The following SLC8A2 variants were observed in gnomAD, a reference collection of about 807,000 sequenced individuals.
SLC8A2 encodes the protein sodium/calcium exchanger 2.
SLC8A2 carries 14 observed loss-of-function variants against 70.2 expected under a neutral mutation model. The ratio of observed to expected loss-of-function variants is 0.20; its 90% CI spans 0.13 to 0.31. SLC8A2 has a LOEUF of 0.31. Among genes scored for constraint, SLC8A2 ranks in the 10% least tolerant of loss-of-function variants. The probability of loss-of-function intolerance (pLI) is 1.00; values close to 1 mark genes in which losing one functional copy is unlikely to be tolerated. For synonymous variants in SLC8A2, 575 were observed against 594.3 expected, an observed-to-expected ratio of 0.97 and a Z score of 0.47; for missense variants, 779 against 1,320.1, an observed-to-expected ratio of 0.59 and a Z score of 6.35.
rs1967184307 is a variant in SLC8A2 at position 47,447,743 on chromosome 19, G to A, written c.1763+66C>T. 2 of 1,455,848 alleles carry A rather than the reference G, an allele frequency of 1.4e-6. No individual in the cohort carries two copies. The highest frequency in any genetic ancestry group is 1.8e-6 in the Non-Finnish European group (2 of 1,104,438). The allele number at this position is 1,455,848 out of a possible 1,614,324, so 90.2% of individuals were successfully genotyped here. A position where few individuals can be genotyped will look rare whatever the true frequency, so the allele number is the denominator to read the frequency against. On this transcript the variant is annotated intron_variant, in intron 4 of 9. Transcript: ENST00000236877. This position sits in a 1 kb window ranked among gnomAD's most constrained non-coding sequence, Gnocchi z 5.1. Reference sequence around the variant, plus strand: ...CATGGCTCACCCAGGCCCCGCCCCTGAGCCACATCAGGCCTCGCCCATTCC... The same window carrying A: ...CATGGCTCACCCAGGCCCCGCCCCTAAGCCACATCAGGCCTCGCCCATTCC...
At chr19:47,445,328 C>T (rs1358167005) in intron 4 of SLC8A2, among the ~76,000 whole-genome samples, 3 of 152,262 alleles carry the variant, frequency 2.0e-5, no homozygotes, top group East Asian at 1.9e-4. Context: ...AGGCTGGTCT[C>T]GAACTCCTGA....
intron 1 of SLC8A2, among the ~76,000 whole-genome samples, chr19:47,470,937 C>A (rs942672983): frequency 4.6e-5 from 7 of 151,816 alleles, no homozygotes; most frequent in Non-Finnish European, 1.0e-4. Flanking sequence ...TAGAGGACTC[C>A]AGGCCTGGGG....
At chr19:47,440,677 C>T (rs1325830081) in intron 6 of SLC8A2, among the ~76,000 whole-genome samples, 1 of 151,172 alleles carries the variant, frequency 6.6e-6, no homozygotes, top group Admixed American at 6.6e-5. Flanking sequence ...CCGCAACCTC[C>T]ACCTCCCGGG....
In SLC8A2 at chr19:47,465,685, C is replaced by T. The variant is rs777820663; in HGVS notation, c.675+44G>A. 8.7e-6 allele frequency: 13 copies of T among 1,495,038 alleles called. No homozygotes were observed. Among genetic ancestry groups the T allele is most frequent in the Non-Finnish European group, 1.2e-5 (13 of 1,102,584 alleles). The allele number at this position is 1,495,038 out of a possible 1,614,324, so 92.6% of individuals were successfully genotyped here. ...GCCAAGAGCACCTCTCTGGATTTTG[C>T]AGACACACATGCACCAAGAAAGCAT... is the stretch of plus-strand genomic sequence containing the variant. On this transcript the variant is annotated intron_variant, in intron 2 of 9. Coordinates refer to ENST00000236877, the MANE Select transcript of SLC8A2 (RefSeq NM_015063.3). The surrounding 1 kb of genome is among the most constrained non-coding windows in gnomAD (Gnocchi z 5.5).
chr19:47,452,643 T>G (rs562921330), intron 3 of SLC8A2, among the ~76,000 whole-genome samples: 69 of 152,096 alleles, frequency 4.5e-4, no homozygotes, highest in Non-Finnish European at 9.0e-4. Flanking sequence ...GAAGGCTAGA[T>G]TCACAGGACT....
chr19:47,436,179 AC>A (rs1176546811), intron 8 of SLC8A2, among the ~76,000 whole-genome samples: 4 of 151,792 alleles, frequency 2.6e-5, no homozygotes, highest in Non-Finnish European at 4.4e-5. Flanking sequence ...TGACATCTTT[AC>A]CCATTTGAAG....
Position 47,466,081 on chromosome 19 carries a change from G to A in SLC8A2, c.323C>T (p.Thr108Ile), listed in dbSNP as rs968956716. ...GGTCTCACCGTTGGCCTTGGTGATG[G>A]TGATCTCCTTCTCTTTTGACGTGAT... The part of the protein sequence containing the change: ...EVITSKEKEI[T>I]ITKANGETSV... The change falls in exon 2 of 10, where the codon ACC (threonine) becomes ATC (isoleucine). Residue 108 changes from threonine to isoleucine, a missense_variant. Thr to Ile is a moderately conservative substitution (Grantham distance 89). Transcript: ENST00000236877. This position sits in a 1 kb window ranked among gnomAD's most constrained non-coding sequence, Gnocchi z 6.9. 1 of 1,614,210 alleles carries A rather than the reference G, an allele frequency of 6.2e-7. No homozygotes were observed.
intron 8 of SLC8A2, among the ~76,000 whole-genome samples, chr19:47,437,151 C>T (rs1371434912): frequency 6.6e-6 from 1 of 152,142 alleles, no homozygotes; most frequent in Admixed American, 6.5e-5. Context: ...CATGTCTTCT[C>T]CATGTCTCTC....
chr19:47,449,538 G>A (rs770241271), intron 3 of SLC8A2, among the ~76,000 whole-genome samples: 1 of 152,094 alleles, frequency 6.6e-6, no homozygotes, highest in African/African-American at 2.4e-5. Flanking sequence ...TGGCCAGGCC[G>A]GTCTCGAACT....
chr19:47,465,260 T>C lies in SLC8A2; in HGVS notation c.675+469A>G, dbSNP rs916273921. On this transcript the variant is annotated intron_variant, in intron 2 of 9. Coordinates refer to ENST00000236877, the MANE Select transcript of SLC8A2 (RefSeq NM_015063.3). The surrounding 1 kb of genome is among the most constrained non-coding windows in gnomAD (Gnocchi z 5.5). ...GGCTGGATTATATGCAAGGGTAGTA[T>C]GAATTATGCGAATGGAGGATGTCTT... Among the ~76,000 whole-genome samples, 24 of 152,120 alleles carry C rather than the reference T, an allele frequency of 1.6e-4. No homozygotes were observed. Among genetic ancestry groups the C allele is most frequent in the Admixed American group, 1.3e-3 (20 of 15,232 alleles).
In SLC8A2 at chr19:47,430,178, G is replaced by A. The variant is rs777079733; in HGVS notation, c.2677C>T (p.Leu893Phe). The change falls in exon 10 of 10, where the codon CTC (leucine) becomes TTC (phenylalanine). Residue 893 changes from leucine to phenylalanine, a missense_variant. By Grantham distance (22) the Leu-to-Phe change is conservative. Transcript: ENST00000236877. The surrounding 1 kb of genome is among the most constrained non-coding windows in gnomAD (Gnocchi z 5.9). Reference sequence around the variant, plus strand: ...CCCAGGAAGAGCGCGGTGGTGGCGAGCTTGGGTCCGCGCGGGCCGCCCAGC... The same window carrying A: ...CCCAGGAAGAGCGCGGTGGTGGCGAACTTGGGTCCGCGCGGGCCGCCCAGC... ...GELGGPRGPK[L>F]ATTALFLGLW... is the part of the protein sequence containing the mutation. The A allele has an allele frequency of 6.3e-7, 1 of 1,599,486 alleles. No individual in the cohort carries two copies. The highest frequency in any genetic ancestry group is 2.3e-5 in the East Asian group (1 of 44,086).
At chr19:47,467,149 C>A (rs11878935) in intron 1 of SLC8A2, among the ~76,000 whole-genome samples, 1 of 152,112 alleles carries the variant, frequency 6.6e-6, no homozygotes, top group Non-Finnish European at 1.5e-5. Flanking sequence ...TGGAGAAATA[C>A]GTTTGGAGGA....
In SLC8A2 at chr19:47,430,518, G is replaced by A. The variant is rs779680936; in HGVS notation, c.2390-53C>T. 2.5e-5 allele frequency: 38 copies of A among 1,505,460 alleles called. No homozygotes were observed. Among genetic ancestry groups the A allele is most frequent in the Non-Finnish European group, 3.2e-5 (36 of 1,131,086 alleles). The allele number at this position is 1,505,460 out of a possible 1,614,324, so 93.3% of individuals were successfully genotyped here. ...GGGGCTTTGCGCCGCCACCCACAGGGGCGGGCATCCGCCTGCCCCCTCCCA... is the reference window on the plus strand; with the variant it reads ...GGGGCTTTGCGCCGCCACCCACAGGAGCGGGCATCCGCCTGCCCCCTCCCA... On this transcript the variant is annotated intron_variant, in intron 9 of 9. Coordinates refer to ENST00000236877, the MANE Select transcript of SLC8A2 (RefSeq NM_015063.3). The surrounding 1 kb of genome is among the most constrained non-coding windows in gnomAD (Gnocchi z 5.9).
At position 47,428,038 on chromosome 19, in the gene SLC8A2, GCTTT is replaced by G. The variant is rs1966896219; in HGVS notation, c.*2047_*2050del. The G allele has an allele frequency of 6.6e-6, 1 of 152,022 alleles. No homozygotes were observed. The highest frequency in any genetic ancestry group is 2.4e-5 in the African/African-American group (1 of 41,328). The allele number at this position is 152,022 out of a possible 1,614,324, so 9.4% of individuals were successfully genotyped here. A position where few individuals can be genotyped will look rare whatever the true frequency, so the allele number is the denominator to read the frequency against. On this transcript the variant is annotated 3_prime_UTR_variant, in exon 10 of 10. Transcript: ENST00000236877. ...CCTGTAGGATCTGAGAAAATTACTT[GCTTT>G]ATTTAGGAAACCCCATCAACCCCAG...
rs986049537 is a variant in SLC8A2 at position 47,432,646 on chromosome 19, C to A, written c.2111-201G>T. 6 of 492,348 alleles carry A rather than the reference C, an allele frequency of 1.2e-5. No homozygotes were observed. The highest frequency in any genetic ancestry group is 9.8e-5 in the African/African-American group (5 of 51,058). The allele number at this position is 492,348 out of a possible 1,614,324, so 30.5% of individuals were successfully genotyped here. ...CCTTGAAGCTAGGAGCTTGATTGGG[C>A]CCAGGTGAAAAATATTTACTTTCCC... On this transcript the variant is annotated intron_variant, in intron 8 of 9. Coordinates refer to ENST00000236877, the MANE Select transcript of SLC8A2 (RefSeq NM_015063.3). The surrounding 1 kb of genome is among the most constrained non-coding windows in gnomAD (Gnocchi z 6.2).
At chr19:47,444,125 C>T (rs1291123740) in intron 4 of SLC8A2, among the ~76,000 whole-genome samples, 1 of 152,076 alleles carries the variant, frequency 6.6e-6, no homozygotes, top group African/African-American at 2.4e-5. Context: ...GAATTCCTGG[C>T]CTCAAGTGAT....
rs929800996 is a variant in SLC8A2 at position 47,429,693 on chromosome 19, G to A, written c.*396C>T. ...GGACATGGGGTGAAGTGGGGGGGGGGTCACTAGGGGAAGGGAGACTTTGGG... is the reference window on the plus strand; with the variant it reads ...GGACATGGGGTGAAGTGGGGGGGGGATCACTAGGGGAAGGGAGACTTTGGG... On this transcript the variant is annotated 3_prime_UTR_variant, in exon 10 of 10. Coordinates refer to ENST00000236877, the MANE Select transcript of SLC8A2 (RefSeq NM_015063.3). The A allele has an allele frequency of 1.4e-3, 238 of 166,978 alleles. 2 individuals carry two copies. Among genetic ancestry groups the A allele is most frequent in the Non-Finnish European group, 2.6e-3 (215 of 82,776 alleles). The allele number at this position is 166,978 out of a possible 1,614,324, so 10.3% of individuals were successfully genotyped here. A position where few individuals can be genotyped will look rare whatever the true frequency, so the allele number is the denominator to read the frequency against.
chr19:47,442,784 A>G (rs1967114559), intron 4 of SLC8A2, among the ~76,000 whole-genome samples: 2 of 152,134 alleles, frequency 1.3e-5, no homozygotes, highest in Admixed American at 6.5e-5. Flanking sequence ...CCTGGGATCA[A>G]GCGATCCTCC....
chr19:47,442,769 A>G (rs1473747205), intron 4 of SLC8A2, among the ~76,000 whole-genome samples: 1 of 152,110 alleles, frequency 6.6e-6, no homozygotes, highest in Admixed American at 6.6e-5. Flanking sequence ...ATGCAGCCTC[A>G]AAGTCCTGGG....
Sources: gnomAD v4.1 joint callset for allele counts (sites outside exome capture counted in the v4.1 genomes callset) on GRCh38, gnomAD v4.1.1 for gene constraint, Gnocchi (gnomAD v3.1) non-coding constraint, MANE v1.5 for transcripts, NCBI Gene and HGNC (gene_info 2026-07-23, HGNC 2026-07-21) for gene names.